Variants in ENPP3 observed in about 807,000 individuals in gnomAD.
ENPP3 encodes ectonucleotide pyrophosphatase/phosphodiesterase family member 3.
In ENPP3, 104 loss-of-function variants were observed where a neutral mutation model predicts 117.8. The observed-to-expected ratio is 0.88, with a 90% CI of 0.75 to 1.04. The LOEUF (loss-of-function observed/expected upper bound fraction) is 1.04, where lower values mean the gene tolerates loss of function less well. Ranked by LOEUF, ENPP3 falls within the 50% of genes least tolerant of loss-of-function variation. The pLI, the probability that ENPP3 is intolerant of heterozygous loss-of-function variation, is 0.00. For synonymous variants in ENPP3, 380 were observed against 349.9 expected, an observed-to-expected ratio of 1.09 and a Z score of -0.96; for missense variants, 1,026 against 1,051.9, an observed-to-expected ratio of 0.98 and a Z score of 0.34.
chr6:131,716,043 C>A (rs965705012), intron 15 of ENPP3, among the ~76,000 whole-genome samples: 1 of 152,166 alleles, frequency 6.6e-6, no homozygotes, highest in African/African-American at 2.4e-5. Flanking sequence ...GGCAACTGAT[C>A]TGGCATCAGG....
intron 16 of ENPP3, among the ~76,000 whole-genome samples, chr6:131,719,222 C>T (rs73001222): frequency 0.018 from 2,681 of 151,926 alleles, 50 homozygotes; most frequent in Admixed American, 0.051. Context: ...TAAAAGAATT[C>T]GCCTTACAAA....
chr6:131,737,428 C>T lies in ENPP3; in HGVS notation c.2163C>T (p.Phe721=). ...ATTTGGTACCTATGTATGAAGAATT[C>T]AGAAGTAAGTATGAATTTAGAGTAT... The part of the protein sequence containing the change: ...TSNLVPMYEE[F]RKMWDYFHSV... The change falls in exon 22 of 25, where the codon TTC becomes TTT. Residue 721 remains phenylalanine, a synonymous_variant. Coordinates refer to ENST00000357639, the MANE Select transcript of ENPP3 (RefSeq NM_005021.5). 1 of 1,532,846 alleles carries T rather than the reference C, an allele frequency of 6.5e-7. No homozygotes were observed. The highest frequency in any genetic ancestry group is 9.0e-7 in the Non-Finnish European group (1 of 1,108,606). The allele number at this position is 1,532,846 out of a possible 1,614,324, so 95.0% of individuals were successfully genotyped here. A position where few individuals can be genotyped will look rare whatever the true frequency, so the allele number is the denominator to read the frequency against.
chr6:131,674,085 G>C, intron 7 of ENPP3, 77 bp from the exon 8 acceptor site: 1 of 870,844 alleles, frequency 1.1e-6, no homozygotes, highest in African/African-American at 1.7e-5. Flanking sequence ...ATGAGTAATA[G>C]ATCGTGTGCT....
In ENPP3 at chr6:131,722,369, A is replaced by C; in HGVS notation, c.1710A>C (p.Thr570=). Residue 570 remains threonine (T), a synonymous_variant, in exon 18 of 25, where the codon ACA becomes ACC. Transcript: ENST00000357639. ...GTGGCTTTGCTAATCCATTGCCCAC[A>C]GAGTCTCTTGACTGTTTCTGCCCTC... ...SVCGFANPLP[T]ESLDCFCPHL... 6.2e-7 allele frequency: 1 copy of C among 1,614,092 alleles called. No homozygotes were observed. The highest frequency in any genetic ancestry group is 8.5e-7 in the Non-Finnish European group (1 of 1,179,980).
intron 2 of ENPP3, among the ~76,000 whole-genome samples, chr6:131,646,216 T>G (rs929691628): frequency 1.3e-5 from 2 of 151,984 alleles, no homozygotes; most frequent in African/African-American, 4.8e-5. Context: ...AAAATTATAG[T>G]TCTCTTTCTT....
At chr6:131,711,466 A>G (rs1274952833) in intron 15 of ENPP3, among the ~76,000 whole-genome samples, 1 of 147,076 alleles carries the variant, frequency 6.8e-6, no homozygotes, top group Non-Finnish European at 1.5e-5. Flanking sequence ...TTTGTGTAAT[A>G]TATCTTTTTT....
At chr6:131,683,311 A>T in intron 12 of ENPP3, 149 bp downstream of exon 12, 1 of 574,608 alleles carries the variant, frequency 1.7e-6, no homozygotes, top group East Asian at 3.0e-5. Context: ...GTAGAATGTG[A>T]TGAAAAGAGG....
intron 18 of ENPP3, among the ~76,000 whole-genome samples, chr6:131,723,817 TCTCTCTCTCTCA>T (rs1408840680): frequency 3.4e-5 from 5 of 147,142 alleles, no homozygotes; most frequent in East Asian, 2.0e-4. Flanking sequence ...TCTCTCTCTC[TCTCTCTCTCTCA>T]CACACACACA....
chr6:131,679,293 C>G (rs1175549566), intron 11 of ENPP3, among the ~76,000 whole-genome samples: 1 of 151,774 alleles, frequency 6.6e-6, no homozygotes, highest in Non-Finnish European at 1.5e-5. Context: ...CAGGGTTTCA[C>G]CATTTTGGCC....
intron 15 of ENPP3, chr6:131,710,208 A>G (rs1450668010): frequency 6.2e-7 from 1 of 1,606,338 alleles, no homozygotes; most frequent in African/African-American, 1.3e-5. Context: ...GCAAGTGTCC[A>G]GTCAGGGTCT....
chr6:131,673,420 C>T (rs1474848137), intron 7 of ENPP3, among the ~76,000 whole-genome samples: 1 of 152,098 alleles, frequency 6.6e-6, no homozygotes, highest in African/African-American at 2.4e-5. Context: ...GACTATCATC[C>T]TTAGCAAACT....
chr6:131,691,714 G>T (rs1171342179), intron 14 of ENPP3, among the ~76,000 whole-genome samples: 1 of 152,076 alleles, frequency 6.6e-6, no homozygotes, highest in African/African-American at 2.4e-5. Flanking sequence ...TGAGCCTCCG[G>T]TTTTCTCTGG....
intron 22 of ENPP3, among the ~76,000 whole-genome samples, chr6:131,737,709 C>T (rs561533925): frequency 2.7e-4 from 41 of 152,188 alleles, no homozygotes. Flanking sequence ...AAATGTTTAT[C>T]CCCAGAGTAA....
intron 14 of ENPP3, among the ~76,000 whole-genome samples, chr6:131,693,137 C>T (rs191413338): frequency 1.4e-5 from 2 of 145,456 alleles, no homozygotes; most frequent in African/African-American, 5.0e-5. Flanking sequence ...ACACACACAC[C>T]CCCAGGAATA....
At chr6:131,692,299 A>C (rs988888078) in intron 14 of ENPP3, among the ~76,000 whole-genome samples, 9 of 152,070 alleles carry the variant, frequency 5.9e-5, no homozygotes, top group African/African-American at 2.2e-4. Flanking sequence ...ATAGATACCA[A>C]TGTGATTTGC....
At chr6:131,651,127 C>T (rs1254078469) in intron 3 of ENPP3, among the ~76,000 whole-genome samples, 1 of 152,066 alleles carries the variant, frequency 6.6e-6, no homozygotes, top group African/African-American at 2.4e-5. Flanking sequence ...ACCATGTTGG[C>T]CAGGCTGGTG....
chr6:131,741,760 A>G (rs1327937350), intron 24 of ENPP3, among the ~76,000 whole-genome samples: 1 of 152,202 alleles, frequency 6.6e-6, no homozygotes, highest in Admixed American at 6.6e-5. Flanking sequence ...GGATAAGCTA[A>G]GGATAGGCAT....
chr6:131,721,630 A>G (rs1196314007), intron 17 of ENPP3, among the ~76,000 whole-genome samples: 1 of 149,772 alleles, frequency 6.7e-6, no homozygotes, highest in Non-Finnish European at 1.5e-5. Context: ...TTCATAGAAA[A>G]AAATGAAGAA....
chr6:131,743,525 G>A (rs1477801012), intron 24 of ENPP3, among the ~76,000 whole-genome samples: 2 of 152,016 alleles, frequency 1.3e-5, no homozygotes, highest in Admixed American at 6.6e-5. Context: ...ATCTTAGGAT[G>A]AAGTTACATT....
Sources: gnomAD v4.1 joint callset for allele counts (sites outside exome capture counted in the v4.1 genomes callset) on GRCh38, gnomAD v4.1.1 for gene constraint, MANE v1.5 for transcripts, NCBI Gene and HGNC (gene_info 2026-07-23, HGNC 2026-07-21) for gene names.